Variants in PARD6G observed in about 807,000 individuals in gnomAD.
PARD6G encodes the protein par-6 family cell polarity regulator gamma, also known as partitioning defective 6 homolog gamma.
Under a neutral mutation model 10.7 loss-of-function variants are expected in PARD6G, and 7 were observed. That is an observed-to-expected ratio of 0.66 (90% confidence interval 0.37 to 1.23). PARD6G has a LOEUF of 1.23. Among genes scored for constraint, PARD6G ranks in the 50% most tolerant of loss-of-function variants. PARD6G has a pLI of 0.02. For missense variants in PARD6G, 548 were observed against 571.8 expected, an observed-to-expected ratio of 0.96 and a Z score of 0.42; for synonymous variants, 287 against 269.4, an observed-to-expected ratio of 1.07 and a Z score of -0.64.
At chr18:80,226,899 T>C (rs1445283658) in intron 1 of PARD6G, among the ~76,000 whole-genome samples, 1 of 152,236 alleles carries the variant, frequency 6.6e-6, no homozygotes, top group African/African-American at 2.4e-5. Context: ...TACCACTGAC[T>C]ACAATCACAT....
chr18:80,176,346 T>C (rs941552499), intron 2 of PARD6G, among the ~76,000 whole-genome samples: 14 of 152,202 alleles, frequency 9.2e-5, no homozygotes, highest in African/African-American at 2.7e-4. Flanking sequence ...ACATCCCACG[T>C]TTACTTTACA....
Position 80,160,095 on chromosome 18 carries a change from G to A in PARD6G, c.807C>T (p.Pro269=). 1 of 1,603,138 alleles carries A rather than the reference G, an allele frequency of 6.2e-7. No homozygotes were observed. The highest frequency in any genetic ancestry group is 8.5e-7 in the Non-Finnish European group (1 of 1,175,304). ...CCACGAAGCCCGCGGTGCCGTCCGA[G>A]GGCGGTCCCGAGCTGCCCAACGCGC... ...GGRALGSSGP[P]SDGTAGFVGP... is the part of the protein sequence containing the mutation. The change falls in exon 3 of 3, where the codon CCC becomes CCT. Residue 269 remains proline (P), a synonymous_variant. Coordinates refer to ENST00000353265, the MANE Select transcript of PARD6G (RefSeq NM_032510.4).
rs1163631382 is a variant in PARD6G at position 80,182,131 on chromosome 18, G to T, written c.295+20579C>A. Among the ~76,000 whole-genome samples the T allele has an allele frequency of 6.6e-6, 1 of 152,176 alleles. No individual in the cohort carries two copies. The highest frequency in any genetic ancestry group is 1.5e-5 in the Non-Finnish European group (1 of 68,048). On this transcript the variant is annotated intron_variant, in intron 2 of 2. Transcript: ENST00000353265. This position sits in a 1 kb window ranked among gnomAD's most constrained non-coding sequence, Gnocchi z 4.5. ...CCAGCTGCTCACCCACAGTGCTCTG[G>T]GCCCCTCCCACTTCCACAACTGCGA...
intron 1 of PARD6G, among the ~76,000 whole-genome samples, chr18:80,211,578 C>T (rs555237514): frequency 2.6e-5 from 4 of 152,236 alleles, no homozygotes; most frequent in East Asian, 3.9e-4. Context: ...CTAAAATAAC[C>T]GAAGGTGGAA....
chr18:80,218,242 G>A (rs1490209778), intron 1 of PARD6G, among the ~76,000 whole-genome samples: 1 of 152,060 alleles, frequency 6.6e-6, no homozygotes, highest in Admixed American at 6.6e-5. Flanking sequence ...AAAGTCTCAT[G>A]TGAGACAAGC....
At chr18:80,169,983 A>G (rs8092372) in intron 2 of PARD6G, 129,248 of 152,254 alleles carry the variant, frequency 0.85, 54,977 homozygotes, top group Non-Finnish European at 0.87. Context: ...GCATCAGGAC[A>G]CACCACGTCG....
At chr18:80,216,489 A>G (rs1967167155) in intron 1 of PARD6G, among the ~76,000 whole-genome samples, 1 of 152,126 alleles carries the variant, frequency 6.6e-6, no homozygotes, top group East Asian at 1.9e-4. Flanking sequence ...TTCACAAATA[A>G]GTGCTAATTA....
intron 1 of PARD6G, among the ~76,000 whole-genome samples, chr18:80,230,123 C>A (rs936764568): frequency 6.6e-6 from 1 of 152,220 alleles, no homozygotes; most frequent in Non-Finnish European, 1.5e-5. Context: ...CTTAGACTGT[C>A]AGAGCCCCTG....
chr18:80,170,902 G>T (rs2052771465), intron 2 of PARD6G: 7 of 152,096 alleles, frequency 4.6e-5, no homozygotes, highest in Admixed American at 4.6e-4. Flanking sequence ...CCCCAGTTTT[G>T]CTGGGGAAGG....
chr18:80,223,077 A>T (rs1473815866), intron 1 of PARD6G, among the ~76,000 whole-genome samples: 2 of 152,226 alleles, frequency 1.3e-5, no homozygotes, highest in African/African-American at 4.8e-5. Context: ...ATGCAAAACA[A>T]TAAAGCTGGA....
intron 1 of PARD6G, among the ~76,000 whole-genome samples, chr18:80,224,184 A>C (rs949211482): frequency 3.3e-5 from 5 of 152,204 alleles, no homozygotes; most frequent in Admixed American, 2.0e-4. Flanking sequence ...TCATTATTCA[A>C]CTTCTATACT....
chr18:80,175,845 G>A lies in PARD6G; in HGVS notation c.296-15239C>T, dbSNP rs527633272. The A allele has an allele frequency of 5.4e-5, 9 of 167,274 alleles. No homozygotes were observed. Among genetic ancestry groups the A allele is most frequent in the African/African-American group, 1.9e-4 (8 of 41,574 alleles). The allele number at this position is 167,274 out of a possible 1,614,324, so 10.4% of individuals were successfully genotyped here. On this transcript the variant is annotated intron_variant, in intron 2 of 2. Transcript: ENST00000353265. The surrounding 1 kb of genome is among the most constrained non-coding windows in gnomAD (Gnocchi z 6.7). ...GTGTTTTGTGTTATGTTTTCTGAGA[G>A]ACACCCTCAGGCTTGTTTCTCTGAA...
Position 80,159,673 on chromosome 18 carries a change from G to C in PARD6G, c.*98C>G, listed in dbSNP as rs910284735. 7.6e-7 allele frequency: 1 copy of C among 1,311,704 alleles called. No homozygotes were observed. 81.3% of individuals were successfully genotyped at this position (1,311,704 alleles called of 1,614,324 possible). On this transcript the variant is annotated 3_prime_UTR_variant, in exon 3 of 3. Transcript: ENST00000353265. Reference sequence around the variant, plus strand: ...AACAAAGAGCAGCGTTGTTTTTGTGGTCACAAAAACAACAAAAAATGAGCG... The same window carrying C: ...AACAAAGAGCAGCGTTGTTTTTGTGCTCACAAAAACAACAAAAAATGAGCG...
At chr18:80,210,895 C>T (rs1041488316) in intron 1 of PARD6G, among the ~76,000 whole-genome samples, 1 of 151,834 alleles carries the variant, frequency 6.6e-6, no homozygotes, top group African/African-American at 2.4e-5. Flanking sequence ...CCTCCCCACC[C>T]CCCATCCCCA....
At position 80,160,020 on chromosome 18, in the gene PARD6G, C is replaced by G; in HGVS notation, c.882G>C (p.Glu294Asp). The change falls in exon 3 of 3, where the codon GAG becomes GAC. Residue 294 changes from glutamate (E) to aspartate (D), a missense_variant. By Grantham distance (45) the Glu-to-Asp change is conservative (BLOSUM62 2). Coordinates refer to ENST00000353265, the MANE Select transcript of PARD6G (RefSeq NM_032510.4). The stretch of plus-strand genomic sequence containing the variant: ...TGACGACGTCGTTGTCCTCATCGCT[C>G]TCCGCCTCGTCGGGGTGGAAGTTCT... ...VLQNFHPDEA[E>D]SDEDNDVVIE... The G allele has an allele frequency of 6.5e-7, 1 of 1,533,886 alleles. No homozygotes were observed. Among genetic ancestry groups the G allele is most frequent in the Non-Finnish European group, 8.7e-7 (1 of 1,146,910 alleles).
intron 1 of PARD6G, among the ~76,000 whole-genome samples, chr18:80,213,653 C>T (rs911925116): frequency 1.3e-5 from 2 of 152,138 alleles, no homozygotes; most frequent in African/African-American, 4.8e-5. Context: ...AGGAAAGGTC[C>T]TATTCTTTAA....
chr18:80,159,680 AAAC>A lies in PARD6G; in HGVS notation c.*88_*90del, dbSNP rs2052681378. ...AGCAGCGTTGTTTTTGTGGTCACAA[AAAC>A]AACAAAAAATGAGCGGATGCAGTCT... is the stretch of plus-strand genomic sequence containing the variant. On this transcript the variant is annotated 3_prime_UTR_variant, in exon 3 of 3. Coordinates refer to ENST00000353265, the MANE Select transcript of PARD6G (RefSeq NM_032510.4). 7 of 1,319,082 alleles carry A rather than the reference AAAC, an allele frequency of 5.3e-6. No homozygotes were observed. The highest frequency in any genetic ancestry group is 4.8e-6 in the Non-Finnish European group (5 of 1,032,166). 81.7% of individuals were successfully genotyped at this position (1,319,082 alleles called of 1,614,324 possible). A position where few individuals can be genotyped will look rare whatever the true frequency, so the allele number is the denominator to read the frequency against.
chr18:80,204,631 G>A (rs750351044), intron 1 of PARD6G, among the ~76,000 whole-genome samples: 1 of 151,914 alleles, frequency 6.6e-6, no homozygotes, highest in Admixed American at 6.6e-5. Flanking sequence ...AATCTCCAGG[G>A]CCTACAACAA....
At chr18:80,216,092 C>T (rs748305323) in intron 1 of PARD6G, among the ~76,000 whole-genome samples, 2 of 151,978 alleles carry the variant, frequency 1.3e-5, no homozygotes, top group South Asian at 2.1e-4. Context: ...CATGTGACAA[C>T]GGAGCTCCAA....
Sources: allele counts gnomAD v4.1 joint callset (sites outside exome capture counted in the v4.1 genomes callset), GRCh38; gene constraint gnomAD v4.1.1; non-coding constraint Gnocchi (gnomAD v3.1); transcripts MANE v1.5; gene names NCBI Gene and HGNC (gene_info 2026-07-23, HGNC 2026-07-21).